The following RYR2 variants were observed in gnomAD, a reference collection of about 807,000 sequenced individuals.
RYR2 encodes ryanodine receptor 2.
A neutral mutation model predicts 601.1 loss-of-function variants in RYR2; 227 were observed. The ratio of observed to expected loss-of-function variants is 0.38; its 90% CI spans 0.34 to 0.42. The LOEUF (loss-of-function observed/expected upper bound fraction) is 0.42, where lower values mean the gene tolerates loss of function less well. RYR2 is among the 10% of genes least tolerant of loss of function. RYR2 has a pLI of 1.00. For synonymous variants in RYR2, 2,223 were observed against 2,175.1 expected (o/e 1.02, Z -0.61); for missense variants, 4,646 against 6,156.5 (o/e 0.75, Z 8.21).
chr1:237,677,625 C>T (rs1204602782), intron 60 of RYR2, among the ~76,000 whole-genome samples: 1 of 152,144 alleles, frequency 6.6e-6, no homozygotes, highest in African/African-American at 2.4e-5. Context: ...AAGAGGCAAT[C>T]TTTATTATTA....
Position 237,562,281 on chromosome 1 carries a change from G to T in RYR2, c.3215-4286G>T, listed in dbSNP as rs551553632. Among the ~76,000 whole-genome samples the T allele has an allele frequency of 1.3e-4, 20 of 152,274 alleles. No individual in the cohort carries two copies. In the East Asian group the frequency reaches 3.9e-3, roughly 29 times the overall value. The stretch of plus-strand genomic sequence containing the variant: ...ATAATACCAGAAGGTTGAAAGGATG[G>T]CTGATTAATACCAATAATTTTAAAA... On this transcript the variant is annotated intron_variant, in intron 27 of 104. Transcript: ENST00000366574.
intron 1 of RYR2, among the ~76,000 whole-genome samples, chr1:237,100,231 G>A (rs180938169): frequency 7.1e-4 from 108 of 152,298 alleles, no homozygotes; most frequent in Non-Finnish European, 1.4e-3. Context: ...GAAAGAGCAT[G>A]CATTTCCTTC....
rs552550600 is a variant in RYR2, at chr1:237,194,628, C to T, written c.49-75869C>T. The stretch of plus-strand genomic sequence containing the variant: ...CACTGCCCACCAATGTAGACTCTGA[C>T]CCTGACCCAGAGGCGGGTCCATACT... On this transcript the variant is annotated intron_variant, in intron 1 of 104. Coordinates refer to ENST00000366574, the MANE Select transcript of RYR2 (RefSeq NM_001035.3). 3.7e-3 allele frequency among the ~76,000 whole-genome samples: 566 copies of T among 152,274 alleles called. 4 individuals are homozygous for T. Among genetic ancestry groups the T allele is most frequent in the African/African-American group, 0.013 (538 of 41,542 alleles).
intron 1 of RYR2, among the ~76,000 whole-genome samples, chr1:237,072,268 C>T (rs1057409564): frequency 1.4e-4 from 21 of 152,350 alleles, no homozygotes; most frequent in East Asian, 1.9e-4. Context: ...GAGGGGCCAC[C>T]GCCGCCATCA....
intron 1 of RYR2, among the ~76,000 whole-genome samples, chr1:237,214,474 G>A (rs921300987): frequency 1.3e-5 from 2 of 152,102 alleles, no homozygotes; most frequent in African/African-American, 4.8e-5. Context: ...GAGAGAGGAA[G>A]GAAATGAGGA....
chr1:237,484,713 T>G (rs1379721811), intron 17 of RYR2, among the ~76,000 whole-genome samples: 2 of 152,178 alleles, frequency 1.3e-5, no homozygotes, highest in Non-Finnish European at 2.9e-5. Flanking sequence ...AAAGTCAACT[T>G]TGATCTCTAA....
intron 2 of RYR2, among the ~76,000 whole-genome samples, chr1:237,329,708 A>G (rs1006751689): frequency 2.6e-4 from 39 of 152,094 alleles, no homozygotes; most frequent in African/African-American, 8.9e-4. Context: ...CTGCTCTCCT[A>G]CGTGCATATA....
At chr1:237,137,858 A>T (rs1278519689) in intron 1 of RYR2, among the ~76,000 whole-genome samples, 2 of 152,220 alleles carry the variant, frequency 1.3e-5, no homozygotes, top group Admixed American at 6.5e-5. Context: ...GTTAAATAAC[A>T]AGTGAACACT....
intron 41 of RYR2, 53 bp from the exon 42 acceptor site, chr1:237,631,374 A>T: frequency 9.1e-7 from 1 of 1,094,914 alleles, no homozygotes. Flanking sequence ...AACTTGGTTA[A>T]CTATTTAGAT....
At chr1:237,827,935 TCAAAAAAAAA>T (rs1299034866) in intron 101 of RYR2, among the ~76,000 whole-genome samples, 1 of 41,582 alleles carries the variant, frequency 2.4e-5, no homozygotes, top group Non-Finnish European at 4.4e-5. Context: ...AGACTCCGTC[TCAAAAAAAAA>T]AAAAAAAAAA....
intron 1 of RYR2, among the ~76,000 whole-genome samples, chr1:237,047,389 C>T (rs1572440945): frequency 1.2e-4 from 15 of 123,702 alleles, no homozygotes; most frequent in South Asian, 2.7e-4. Context: ...CCTTTCTAGC[C>T]TTTTTTTTTT....
intron 24 of RYR2, among the ~76,000 whole-genome samples, chr1:237,512,746 A>G (rs1666035712): frequency 6.6e-6 from 1 of 152,080 alleles, no homozygotes; most frequent in Non-Finnish European, 1.5e-5. Flanking sequence ...AATGGCGCAC[A>G]CCTGAGTCCC....
intron 2 of RYR2, among the ~76,000 whole-genome samples, chr1:237,292,779 A>G (rs1357926031): frequency 6.6e-6 from 1 of 152,176 alleles, no homozygotes; most frequent in East Asian, 1.9e-4. Context: ...TGTTGGGGGA[A>G]GGTAGTTAAG....
At chr1:237,541,254 A>C (rs796088475) in intron 25 of RYR2, among the ~76,000 whole-genome samples, 3 of 152,310 alleles carry the variant, frequency 2.0e-5, no homozygotes, top group African/African-American at 7.2e-5. Context: ...TTAGGATTTA[A>C]ATCCAATGAG....
chr1:237,352,877 A>G (rs772893832), intron 3 of RYR2: 11 of 515,296 alleles, frequency 2.1e-5, no homozygotes, highest in Non-Finnish European at 1.9e-5. Context: ...AGGGTGGGTG[A>G]GGAGACAACT....
chr1:237,667,772 T>C, intron 57 of RYR2, 111 bp from the exon 58 acceptor site: 1 of 720,124 alleles, frequency 1.4e-6, no homozygotes, highest in Non-Finnish European at 2.3e-6. Context: ...AAATGTATCA[T>C]AGCACTAATA....
intron 94 of RYR2, 43 bp downstream of exon 94, chr1:237,792,366 T>TGTGC: frequency 1.2e-6 from 1 of 803,570 alleles, no homozygotes; most frequent in Middle Eastern, 3.4e-4. Flanking sequence ...TGTGTGTGTG[T>TGTGC]GTGTGTGTGT....
In RYR2 at chr1:237,794,117, A is replaced by G; in HGVS notation, c.13913+120A>G. On this transcript the variant is annotated intron_variant, in intron 95 of 104. Coordinates refer to ENST00000366574, the MANE Select transcript of RYR2 (RefSeq NM_001035.3). ...AGAGGTGAATAATAGTTATATATTC[A>G]GCCAAGAAAAATCTAAAGACTCAGT... The G allele has an allele frequency of 4.8e-6, 4 of 828,412 alleles. No individual in the cohort carries two copies. In the South Asian group the frequency reaches 7.2e-5, roughly 15 times the overall value. The allele number at this position is 828,412 out of a possible 1,614,324, so 51.3% of individuals were successfully genotyped here.
intron 1 of RYR2, among the ~76,000 whole-genome samples, chr1:237,100,376 C>CT (rs931921862): frequency 2.3e-4 from 33 of 143,692 alleles, no homozygotes; most frequent in Middle Eastern, 3.7e-3. Context: ...TCCTCTTCTT[C>CT]TTTTTTTTTC....
Sources: allele counts gnomAD v4.1 joint callset (sites outside exome capture counted in the v4.1 genomes callset), GRCh38; gene constraint gnomAD v4.1.1; transcripts MANE v1.5; gene names NCBI Gene and HGNC (gene_info 2026-07-23, HGNC 2026-07-21).